The following LARP4B variants were observed in gnomAD, a reference collection of about 807,000 sequenced individuals.
The protein encoded by LARP4B is la-related protein 4B.
LARP4B carries 12 observed loss-of-function variants against 89.8 expected under a neutral mutation model. The observed-to-expected ratio is 0.13, with a 90% CI of 0.09 to 0.22. The LOEUF is 0.22. Ranked by LOEUF, LARP4B falls within the 10% of genes least tolerant of loss-of-function variation. The pLI, the probability that LARP4B is intolerant of heterozygous loss-of-function variation, is 1.00. For synonymous variants in LARP4B, 367 were observed against 363.3 expected (o/e 1.01, Z -0.12); for missense variants, 757 against 947.7 (o/e 0.80, Z 2.64).
At chr10:858,949 C>T (rs1422477935) in intron 5 of LARP4B, among the ~76,000 whole-genome samples, 4 of 152,022 alleles carry the variant, frequency 2.6e-5, no homozygotes, top group African/African-American at 9.7e-5. Context: ...GTCAGGAGTT[C>T]GAACCCAGCC....
intron 1 of LARP4B, among the ~76,000 whole-genome samples, chr10:921,064 G>A (rs910348003): frequency 2.0e-5 from 3 of 151,980 alleles, no homozygotes; most frequent in African/African-American, 4.8e-5. Context: ...ACCTGAGGTG[G>A]GGAGTTCGAG....
At chr10:909,497 A>G (rs970912404) in intron 1 of LARP4B, among the ~76,000 whole-genome samples, 7 of 152,018 alleles carry the variant, frequency 4.6e-5, no homozygotes, top group African/African-American at 1.7e-4. Flanking sequence ...TACTTTTTAC[A>G]AAAGAGACCG....
chr10:825,355 T>C (rs201396176), intron 12 of LARP4B, 39 bp from the exon 13 acceptor site: 28 of 1,598,066 alleles, frequency 1.8e-5, no homozygotes, highest in Non-Finnish European at 2.3e-5. Context: ...AGTTATAAAA[T>C]GATCAAGGCA....
chr10:864,382 T>G, intron 3 of LARP4B, 112 bp from the exon 4 acceptor site: 2 of 978,940 alleles, frequency 2.0e-6, no homozygotes, highest in Non-Finnish European at 3.1e-6. Context: ...GCTCAGCCTA[T>G]GTATTTATAC....
downstream of LARP4B, chr10:807,294 CGTA>C (rs1018724889): frequency 1.3e-5 from 2 of 152,236 alleles, no homozygotes; most frequent in African/African-American, 4.8e-5. Context: ...TTTCTGCACG[CGTA>C]GCTAACGTTA....
intron 5 of LARP4B, 146 bp downstream of exon 5, chr10:863,597 T>C: frequency 1.1e-6 from 1 of 870,086 alleles, no homozygotes; most frequent in South Asian, 2.2e-5. Flanking sequence ...TCATCTTCTC[T>C]GCATCCACAT....
chr10:943,236 C>T, the LARP4B span, among the ~76,000 whole-genome samples: 3 of 152,124 alleles, frequency 2.0e-5, no homozygotes, highest in South Asian at 4.1e-4. Flanking sequence ...CATGAGCCAC[C>T]GCACCTGGCC....
intron 3 of LARP4B, 152 bp downstream of exon 3, chr10:884,295 G>C (rs1272767957): frequency 1.5e-6 from 1 of 680,904 alleles, no homozygotes; most frequent in Non-Finnish European, 2.6e-6. Flanking sequence ...CCATACCCAG[G>C]GGTTGTGGTG....
Position 863,826 on chromosome 10 carries a change from G to T in LARP4B, c.347C>A (p.Pro116Gln). Residue 116 changes from proline (P) to glutamine (Q), a missense_variant, in exon 5 of 18, where the codon CCG (proline) becomes CAG (glutamine). Coordinates refer to ENST00000316157, the MANE Select transcript of LARP4B (RefSeq NM_015155.3). The stretch of plus-strand genomic sequence containing the variant: ...CATGTCTGCTGGGTCCGACTCCTGC[G>T]GGTCTGGCAATGCGGCATTCTCATG... ...QGHENAALPDPQESDPADMNA... is the reference protein window; with the variant it reads ...QGHENAALPDQQESDPADMNA... The T allele has an allele frequency of 6.2e-7, 1 of 1,614,104 alleles. No individual in the cohort carries two copies. The highest frequency in any genetic ancestry group is 2.2e-5 in the East Asian group (1 of 44,880).
rs546553767 is a variant in LARP4B, at chr10:878,033, G to T, written c.141+6414C>A. ...GAAAGGTAAGAGCATAAGCCTCAAA[G>T]ACTTCTGGGAAAGGGGCACACCAGA... On this transcript the variant is annotated intron_variant, in intron 3 of 17. Coordinates refer to ENST00000316157, the MANE Select transcript of LARP4B (RefSeq NM_015155.3). Among the ~76,000 whole-genome samples the T allele has an allele frequency of 2.0e-5, 3 of 152,322 alleles. No homozygotes were observed. The South Asian group carries it at 6.2e-4, about 32-fold the overall frequency.
chr10:808,779 A>T (rs1369913529), downstream of LARP4B: 1 of 151,668 alleles, frequency 6.6e-6, no homozygotes, highest in East Asian at 1.9e-4. Context: ...GCACACATAC[A>T]CACACACTAT....
chr10:860,592 TA>T (rs1474625094), intron 5 of LARP4B, among the ~76,000 whole-genome samples: 2 of 152,152 alleles, frequency 1.3e-5, no homozygotes, highest in Non-Finnish European at 2.9e-5. Flanking sequence ...AATCCATGAA[TA>T]GGGGAATAGA....
chr10:961,542 A>G, the LARP4B span, among the ~76,000 whole-genome samples: 4 of 146,196 alleles, frequency 2.7e-5, no homozygotes, highest in Non-Finnish European at 5.9e-5. Flanking sequence ...GGGAAGGTCC[A>G]CTCATGGCGG....
rs369086140 is a variant in LARP4B, at chr10:881,065, GCA to G, written c.141+3380_141+3381del. Among the ~76,000 whole-genome samples the G allele has an allele frequency of 3.0e-4, 46 of 152,284 alleles. 2 individuals are homozygous for G. The East Asian group carries it at 6.6e-3, about 22-fold the overall frequency. The stretch of plus-strand genomic sequence containing the variant: ...AGTCCCTGAGTGGGCTTCAGGAGGG[GCA>G]AAAAGCCGCTGAGAATGATGTTTGC... On this transcript the variant is annotated intron_variant, in intron 3 of 17. Coordinates refer to ENST00000316157, the MANE Select transcript of LARP4B (RefSeq NM_015155.3).
At chr10:863,648 G>A (rs1045415564) in intron 5 of LARP4B, 95 bp downstream of exon 5, 13 of 1,302,418 alleles carry the variant, frequency 1.0e-5, no homozygotes, top group Admixed American at 4.9e-5. Context: ...GGCAAAGAAA[G>A]ACCCATTGTG....
intron 8 of LARP4B, 21 bp downstream of exon 8, chr10:836,382 T>A (rs758710348): frequency 1.4e-6 from 2 of 1,478,574 alleles, no homozygotes; most frequent in Admixed American, 3.5e-5. Context: ...CCAAGTAACC[T>A]TCAGAGGAGA....
At chr10:813,299 G>A (rs1831842795) in intron 17 of LARP4B, 86 bp from the exon 18 acceptor site, 2 of 1,310,960 alleles carry the variant, frequency 1.5e-6, no homozygotes, top group Admixed American at 2.6e-5. Flanking sequence ...AGATAAAAGA[G>A]TTTTCAACTG....
Position 814,572 on chromosome 10 carries a change from T to C in LARP4B, c.1929+170A>G. On this transcript the variant is annotated intron_variant, in intron 17 of 17. Transcript: ENST00000316157. This position sits in a 1 kb window ranked among gnomAD's most constrained non-coding sequence, Gnocchi z 4.4. The stretch of plus-strand genomic sequence containing the variant: ...AACTAGAGTAGTTAGTGGAAAATTA[T>C]TAGCAAATATTAAAGGTATTTTGTA... The C allele has an allele frequency of 2.8e-6, 4 of 1,450,206 alleles. No homozygotes were observed. Among genetic ancestry groups the C allele is most frequent in the South Asian group, 1.2e-5 (1 of 81,176 alleles). 89.8% of individuals were successfully genotyped at this position (1,450,206 alleles called of 1,614,324 possible). A position where few individuals can be genotyped will look rare whatever the true frequency, so the allele number is the denominator to read the frequency against.
chr10:897,565 G>A (rs1009229090), intron 1 of LARP4B, among the ~76,000 whole-genome samples: 1 of 152,020 alleles, frequency 6.6e-6, no homozygotes, highest in Admixed American at 6.6e-5. Context: ...ACACTATCAA[G>A]AAAGTGAAAA....
Sources: gnomAD v4.1 joint callset for allele counts (sites outside exome capture counted in the v4.1 genomes callset) on GRCh38, gnomAD v4.1.1 for gene constraint, Gnocchi (gnomAD v3.1) non-coding constraint, MANE v1.5 for transcripts, NCBI Gene and HGNC (gene_info 2026-07-23, HGNC 2026-07-21) for gene names.